CTNNA3: variants seen among roughly 807,000 people sequenced by gnomAD.
The protein encoded by CTNNA3 is catenin alpha-3.
CTNNA3 carries 76 observed loss-of-function variants against 95.7 expected under a neutral mutation model. The ratio of observed to expected loss-of-function variants is 0.79; its 90% CI spans 0.66 to 0.96. The LOEUF is 0.96. Among genes scored for constraint, CTNNA3 ranks in the 40% least tolerant of loss-of-function variants. CTNNA3 has a pLI of 0.00. For synonymous variants in CTNNA3, 431 were observed against 374.4 expected (o/e 1.15, Z -1.74); for missense variants, 1,191 against 1,089.8 (o/e 1.09, Z -1.31).
At chr10:66,914,272 A>C (rs1460942493) in intron 7 of CTNNA3, among the ~76,000 whole-genome samples, 1 of 151,906 alleles carries the variant, frequency 6.6e-6, no homozygotes, top group East Asian at 1.9e-4. Flanking sequence ...CTGGGACTAC[A>C]GGCACCTGCT....
intron 7 of CTNNA3, among the ~76,000 whole-genome samples, chr10:66,821,589 C>T (rs12763505): frequency 0.058 from 8,803 of 152,182 alleles, 401 homozygotes; most frequent in East Asian, 0.2. Context: ...TACAAAAGAG[C>T]ACTATCCATT....
intron 5 of CTNNA3, among the ~76,000 whole-genome samples, chr10:67,422,105 A>G (rs933590249): frequency 2.8e-5 from 4 of 140,500 alleles, no homozygotes; most frequent in East Asian, 1.9e-4. Context: ...AAACTAAGGG[A>G]AAAAAATTCA....
At chr10:66,284,407 T>C (rs1029678333) in intron 12 of CTNNA3, among the ~76,000 whole-genome samples, 1 of 151,926 alleles carries the variant, frequency 6.6e-6, no homozygotes, top group Non-Finnish European at 1.5e-5. Context: ...GCCAGCTCTC[T>C]GAACCCTAAA....
At chr10:66,732,241 T>C (rs1299312511) in intron 9 of CTNNA3, among the ~76,000 whole-genome samples, 1 of 152,170 alleles carries the variant, frequency 6.6e-6, no homozygotes, top group East Asian at 1.9e-4. Flanking sequence ...AGCAGCCTAC[T>C]GTGAGCTTGG....
intron 7 of CTNNA3, among the ~76,000 whole-genome samples, chr10:67,175,497 G>A (rs1862199190): frequency 6.6e-6 from 1 of 152,082 alleles, no homozygotes; most frequent in African/African-American, 2.4e-5. Context: ...CAGTCCATTT[G>A]ATTCTTTATT....
chr10:66,852,562 T>C (rs561650728), intron 7 of CTNNA3, among the ~76,000 whole-genome samples: 95 of 152,268 alleles, frequency 6.2e-4, no homozygotes, highest in Non-Finnish European at 1.0e-3. Flanking sequence ...TAGCAATATT[T>C]AAATGGTATC....
At chr10:66,910,417 C>T (rs1846172311) in intron 7 of CTNNA3, among the ~76,000 whole-genome samples, 1 of 152,174 alleles carries the variant, frequency 6.6e-6, no homozygotes, top group Non-Finnish European at 1.5e-5. Flanking sequence ...TATCACTACC[C>T]TTAACCATCA....
chr10:67,133,137 T>C (rs1217133470), intron 7 of CTNNA3, among the ~76,000 whole-genome samples: 1 of 151,368 alleles, frequency 6.6e-6, no homozygotes, highest in African/African-American at 2.4e-5. Context: ...TACCCTAACT[T>C]GATCATGACA....
At chr10:65,941,493 C>T (rs1379433074) in intron 17 of CTNNA3, among the ~76,000 whole-genome samples, 2 of 152,158 alleles carry the variant, frequency 1.3e-5, no homozygotes, top group African/African-American at 4.8e-5. Flanking sequence ...CCACGTGATT[C>T]CCATGCAGAA....
chr10:67,567,171 T>C (rs961146558), intron 3 of CTNNA3, among the ~76,000 whole-genome samples: 5 of 148,240 alleles, frequency 3.4e-5, no homozygotes, highest in African/African-American at 5.0e-5. Context: ...TAAAGCATAA[T>C]AATAATAAAA....
At chr10:66,670,086 G>T (rs1302118437) in intron 9 of CTNNA3, among the ~76,000 whole-genome samples, 2 of 151,980 alleles carry the variant, frequency 1.3e-5, no homozygotes, top group African/African-American at 4.8e-5. Flanking sequence ...ATTCTTTAAG[G>T]TCTTCTTTCA....
chr10:67,176,993 CAGA>C, intron 7 of CTNNA3: 1 of 493,996 alleles, frequency 2.0e-6, no homozygotes, highest in South Asian at 1.5e-5. Flanking sequence ...AGCTGAAAGA[CAGA>C]AATTTGTGTG....
At chr10:65,949,888 A>G (rs57580504) in intron 17 of CTNNA3, among the ~76,000 whole-genome samples, 2,154 of 152,196 alleles carry the variant, frequency 0.014, 57 homozygotes, top group African/African-American at 0.049. Flanking sequence ...ATGGGCAACC[A>G]GGTAAAGGGA....
At chr10:66,464,308 T>C (rs1157225749) in intron 11 of CTNNA3, among the ~76,000 whole-genome samples, 3 of 152,172 alleles carry the variant, frequency 2.0e-5, no homozygotes, top group Non-Finnish European at 4.4e-5. Flanking sequence ...TTCCTCCTGC[T>C]AGGTTTAATG....
At chr10:67,104,302 A>G (rs1858503493) in intron 7 of CTNNA3, among the ~76,000 whole-genome samples, 1 of 151,886 alleles carries the variant, frequency 6.6e-6, no homozygotes, top group African/African-American at 2.4e-5. Flanking sequence ...TTAAATGGCA[A>G]TATTCCTTAT....
At chr10:67,586,123 G>C (rs574538565) in intron 3 of CTNNA3, among the ~76,000 whole-genome samples, 4 of 152,042 alleles carry the variant, frequency 2.6e-5, no homozygotes, top group Admixed American at 6.6e-5. Flanking sequence ...CCATGTGTCT[G>C]TATACTTTCC....
chr10:66,232,047 A>G (rs2089613936), intron 13 of CTNNA3, among the ~76,000 whole-genome samples: 2 of 152,190 alleles, frequency 1.3e-5, no homozygotes, highest in Non-Finnish European at 2.9e-5. Context: ...ATGAAATACA[A>G]CCCACAGTGT....
intron 7 of CTNNA3, among the ~76,000 whole-genome samples, chr10:67,171,709 A>T (rs1862030239): frequency 6.6e-6 from 1 of 152,154 alleles, no homozygotes; most frequent in Non-Finnish European, 1.5e-5. Flanking sequence ...CTGTGATCAC[A>T]TCACTACCCT....
At chr10:66,997,904 C>G (rs1029354043) in intron 7 of CTNNA3, among the ~76,000 whole-genome samples, 7 of 152,148 alleles carry the variant, frequency 4.6e-5, no homozygotes, top group Non-Finnish European at 1.0e-4. Context: ...GACCTATTGA[C>G]TCTTCCTCCT....
Sources: allele counts gnomAD v4.1 joint callset (sites outside exome capture counted in the v4.1 genomes callset), GRCh38; gene constraint gnomAD v4.1.1; transcripts MANE v1.5; gene names NCBI Gene and HGNC (gene_info 2026-07-23, HGNC 2026-07-21).